The following GSK3B variants were observed in gnomAD, a reference collection of about 807,000 sequenced individuals.
GSK3B encodes glycogen synthase kinase-3 beta.
A neutral mutation model predicts 56.4 loss-of-function variants in GSK3B; 15 were observed. That is an observed-to-expected ratio of 0.27 (90% CI 0.18 to 0.41). The LOEUF (loss-of-function observed/expected upper bound fraction) is 0.41. Among genes scored for constraint, GSK3B ranks in the 10% least tolerant of loss-of-function variants. GSK3B has a pLI of 1.00. For synonymous variants in GSK3B, 181 were observed against 188.9 expected (o/e 0.96, Z 0.34); for missense variants, 300 against 513.4 (o/e 0.58, Z 4.02).
At chr3:119,904,788 A>G (rs893569940) in intron 7 of GSK3B, among the ~76,000 whole-genome samples, 2 of 152,110 alleles carry the variant, frequency 1.3e-5, no homozygotes, top group Non-Finnish European at 1.5e-5. Context: ...CTAAAAGGTT[A>G]TTTTATTGTA....
Position 119,825,102 on chromosome 3 carries a change from G to T in GSK3B, c.*1686C>A, listed in dbSNP as rs781202840. 9.9e-6 allele frequency: 2 copies of T among 202,936 alleles called. No homozygotes were observed. Among genetic ancestry groups the T allele is most frequent in the Non-Finnish European group, 2.0e-5 (2 of 98,904 alleles). The allele number at this position is 202,936 out of a possible 1,614,324, so 12.6% of individuals were successfully genotyped here. ...AAGGCATGTGGGGAAGGAGCGGGTA[G>T]GAGGGAAAGGCGGCCATCACTCAAG... On this transcript the variant is annotated 3_prime_UTR_variant, in exon 11 of 11. Coordinates refer to ENST00000264235, the MANE Select transcript of GSK3B (RefSeq NM_001146156.2).
chr3:119,947,116 T>C lies in GSK3B; in HGVS notation c.366+152A>G, dbSNP rs543387130. 4.7e-5 allele frequency: 26 copies of C among 556,956 alleles called. No homozygotes were observed. The Admixed American group carries it at 5.9e-4, about 13-fold the overall frequency. 34.5% of individuals were successfully genotyped at this position (556,956 alleles called of 1,614,324 possible). On this transcript the variant is annotated intron_variant, in intron 3 of 10. Coordinates refer to ENST00000264235, the MANE Select transcript of GSK3B (RefSeq NM_001146156.2). The stretch of plus-strand genomic sequence containing the variant: ...TTCCTGATATAACTAATGATATCAA[T>C]GACCATACCTTGGGCTGAGTATTGC...
intron 6 of GSK3B, among the ~76,000 whole-genome samples, chr3:119,908,808 T>C (rs1046659689): frequency 1.6e-4 from 24 of 152,332 alleles, no homozygotes; most frequent in South Asian, 2.1e-4. Context: ...ACACCTTCAC[T>C]GGGTTAACAT....
intron 1 of GSK3B, among the ~76,000 whole-genome samples, chr3:120,004,741 G>A (rs1489500840): frequency 6.6e-6 from 1 of 151,980 alleles, no homozygotes; most frequent in Non-Finnish European, 1.5e-5. Context: ...TCAACACAAA[G>A]GACATCCACA....
At chr3:119,962,810 T>C (rs2057284729) in intron 2 of GSK3B, among the ~76,000 whole-genome samples, 1 of 151,682 alleles carries the variant, frequency 6.6e-6, no homozygotes, top group South Asian at 2.1e-4. Flanking sequence ...GGTGGGAAGG[T>C]TTCAGGATGA....
intron 1 of GSK3B, among the ~76,000 whole-genome samples, chr3:120,068,657 G>A (rs1442458605): frequency 2.6e-5 from 4 of 151,782 alleles, no homozygotes; most frequent in East Asian, 1.9e-4. Flanking sequence ...CTGAGATCAC[G>A]CCACTGCACT....
At chr3:119,912,838 G>T in intron 5 of GSK3B, 28 bp from the exon 6 acceptor site, 1 of 1,193,500 alleles carries the variant, frequency 8.4e-7, no homozygotes, top group Non-Finnish European at 1.2e-6. Context: ...AAAATAAAAA[G>T]CAGAAATTCT....
intron 7 of GSK3B, among the ~76,000 whole-genome samples, chr3:119,879,172 CT>C (rs2056350398): frequency 6.6e-6 from 1 of 151,914 alleles, no homozygotes; most frequent in African/African-American, 2.4e-5. Flanking sequence ...AGCATTTGTC[CT>C]TTGTTTATTT....
At chr3:120,067,382 T>G (rs1424210462) in intron 1 of GSK3B, among the ~76,000 whole-genome samples, 1 of 152,156 alleles carries the variant, frequency 6.6e-6, no homozygotes, top group Non-Finnish European at 1.5e-5. Flanking sequence ...AAAATGCACT[T>G]AATACACCTA....
chr3:119,939,620 G>A (rs1576215433), intron 3 of GSK3B, among the ~76,000 whole-genome samples: 3 of 152,274 alleles, frequency 2.0e-5, no homozygotes. Flanking sequence ...GTAAAGGTAT[G>A]TACTAGAAGA....
intron 2 of GSK3B, among the ~76,000 whole-genome samples, chr3:119,976,811 A>G (rs552481099): frequency 6.6e-6 from 1 of 152,130 alleles, no homozygotes; most frequent in Admixed American, 6.5e-5. Context: ...GAAACTAGTC[A>G]AAAGAGTAAC....
intron 1 of GSK3B, among the ~76,000 whole-genome samples, chr3:120,005,366 C>G (rs541921967): frequency 1.3e-5 from 2 of 152,188 alleles, no homozygotes; most frequent in East Asian, 3.9e-4. Flanking sequence ...GGATATTCAC[C>G]AGGAGAACTT....
chr3:120,073,585 T>C (rs572299195), intron 1 of GSK3B, among the ~76,000 whole-genome samples: 7 of 152,156 alleles, frequency 4.6e-5, no homozygotes, highest in Non-Finnish European at 1.0e-4. Flanking sequence ...AATTACTTTC[T>C]CCTCCATAAG....
At chr3:120,056,650 A>G (rs1044455894) in intron 1 of GSK3B, among the ~76,000 whole-genome samples, 2 of 152,104 alleles carry the variant, frequency 1.3e-5, no homozygotes, top group Admixed American at 6.5e-5. Context: ...GAGGTTCTCA[A>G]TAGTTTTTAA....
At chr3:120,027,066 CAAAA>C (rs757528334) in intron 1 of GSK3B, among the ~76,000 whole-genome samples, 1 of 87,684 alleles carries the variant, frequency 1.1e-5, no homozygotes, top group Non-Finnish European at 2.4e-5. Flanking sequence ...GCAAGACTTC[CAAAA>C]AAAAAAAAAA....
Position 120,049,171 on chromosome 3 carries a change from C to G in GSK3B, c.88+44176G>C, listed in dbSNP as rs778560775. Among the ~76,000 whole-genome samples the G allele has an allele frequency of 3.9e-5, 6 of 152,230 alleles. No individual in the cohort carries two copies. The East Asian group carries it at 1.2e-3, about 29-fold the overall frequency. On this transcript the variant is annotated intron_variant, in intron 1 of 10. Transcript: ENST00000264235. ...TACCTACTATGAATCTAGCATGTCC[C>G]TAGATACAATCAGAGAATGTAAAAA...
At chr3:119,919,380 A>G (rs2056813512) in intron 4 of GSK3B, among the ~76,000 whole-genome samples, 1 of 152,180 alleles carries the variant, frequency 6.6e-6, no homozygotes, top group Non-Finnish European at 1.5e-5. Flanking sequence ...ATGTAGAATG[A>G]CTACGTGAAG....
At chr3:119,907,143 T>A (rs1357541648) in intron 6 of GSK3B, among the ~76,000 whole-genome samples, 3 of 152,154 alleles carry the variant, frequency 2.0e-5, no homozygotes, top group African/African-American at 7.2e-5. Flanking sequence ...TCCTTATTTA[T>A]GTAAATGCTT....
chr3:120,060,639 T>C (rs1035039579), intron 1 of GSK3B, among the ~76,000 whole-genome samples: 1 of 152,000 alleles, frequency 6.6e-6, no homozygotes, highest in Non-Finnish European at 1.5e-5. Context: ...GGTGGAAGGA[T>C]TGCTTGGGCC....
Sources: gnomAD v4.1 joint callset for allele counts (sites outside exome capture counted in the v4.1 genomes callset) on GRCh38, gnomAD v4.1.1 for gene constraint, MANE v1.5 for transcripts, NCBI Gene and HGNC (gene_info 2026-07-23, HGNC 2026-07-21) for gene names.